OSBPL9: variants seen among roughly 807,000 people sequenced by gnomAD.
The protein encoded by OSBPL9 is oxysterol-binding protein-related protein 9.
Under a neutral mutation model 106.6 loss-of-function variants are expected in OSBPL9, and 40 were observed. The observed-to-expected ratio is 0.38, with a 90% CI of 0.29 to 0.49. The LOEUF is 0.49. Among genes scored for constraint, OSBPL9 ranks in the 20% least tolerant of loss-of-function variants. The pLI, the probability that OSBPL9 is intolerant of heterozygous loss-of-function variation, is 0.97. For missense variants in OSBPL9, 609 were observed against 887.2 expected (o/e 0.69, Z 3.98); for synonymous variants, 269 against 295.4 (o/e 0.91, Z 0.92).
At chr1:51,528,053 G>A in the OSBPL9 span, among the ~76,000 whole-genome samples, 1 of 151,990 alleles carries the variant, frequency 6.6e-6, no homozygotes, top group Admixed American at 6.5e-5. Context: ...GAACCTAGGA[G>A]GCAGAGGCTG....
chr1:51,607,593 T>C (rs1356857103), intron 2 of OSBPL9, among the ~76,000 whole-genome samples: 1 of 152,184 alleles, frequency 6.6e-6, no homozygotes, highest in African/African-American at 2.4e-5. Flanking sequence ...TTATTCCCAC[T>C]AAGTCTCTCT....
chr1:51,640,405 G>T (rs997746999), intron 1 of OSBPL9, among the ~76,000 whole-genome samples: 2 of 152,178 alleles, frequency 1.3e-5, no homozygotes, highest in African/African-American at 4.8e-5. Context: ...TTGCAGTCCT[G>T]TTGGAGATAC....
intron 2 of OSBPL9, among the ~76,000 whole-genome samples, chr1:51,661,232 G>A (rs1010861489): frequency 6.6e-6 from 1 of 152,156 alleles, no homozygotes; most frequent in African/African-American, 2.4e-5. Flanking sequence ...ATGTCTCAGA[G>A]GAGTCATCAT....
intron 1 of OSBPL9, among the ~76,000 whole-genome samples, chr1:51,636,491 C>T (rs1218167871): frequency 4.6e-5 from 7 of 152,036 alleles, no homozygotes; most frequent in African/African-American, 1.7e-4. Context: ...GTGCACACTG[C>T]CACACCAGGC....
intron 7 of OSBPL9, among the ~76,000 whole-genome samples, chr1:51,748,773 T>C (rs1668574422): frequency 6.6e-6 from 1 of 152,168 alleles, no homozygotes; most frequent in African/African-American, 2.4e-5. Context: ...CAAGCGATCC[T>C]CCTGCCTCAG....
At chr1:51,787,635 G>C in intron 23 of OSBPL9, 80 bp from the exon 24 acceptor site, 1 of 1,585,462 alleles carries the variant, frequency 6.3e-7, no homozygotes, top group Non-Finnish European at 8.6e-7. Flanking sequence ...TGGCGGGGTG[G>C]GGAGCAGATA....
At chr1:51,626,243 A>G (rs1644756908) in intron 1 of OSBPL9, among the ~76,000 whole-genome samples, 1 of 152,070 alleles carries the variant, frequency 6.6e-6, no homozygotes, top group African/African-American at 2.4e-5. Flanking sequence ...ACCTATTTTG[A>G]TATATCTATT....
the OSBPL9 span, among the ~76,000 whole-genome samples, chr1:51,547,366 T>A: frequency 1.3e-5 from 2 of 152,128 alleles, no homozygotes; most frequent in Non-Finnish European, 2.9e-5. Flanking sequence ...TTTAAAACAG[T>A]GCTCAGTGAA....
At chr1:51,767,850 T>C (rs551027719) in intron 12 of OSBPL9, among the ~76,000 whole-genome samples, 1 of 152,060 alleles carries the variant, frequency 6.6e-6, no homozygotes, top group African/African-American at 2.4e-5. Flanking sequence ...AAATAAGCAT[T>C]TGGAAGAAAA....
chr1:51,754,463 G>A (rs1571559943), intron 8 of OSBPL9, among the ~76,000 whole-genome samples: 1 of 152,116 alleles, frequency 6.6e-6, no homozygotes, highest in Non-Finnish European at 1.5e-5. Context: ...CATTTTTCAA[G>A]GTAGACACAG....
intron 1 of OSBPL9, among the ~76,000 whole-genome samples, chr1:51,628,488 G>A (rs1644905287): frequency 6.6e-6 from 1 of 151,798 alleles, no homozygotes; most frequent in Admixed American, 6.6e-5. Context: ...GGAGGCTGAG[G>A]TGGGAGAATT....
chr1:51,620,845 TA>T (rs1644382346), intron 1 of OSBPL9, among the ~76,000 whole-genome samples: 2 of 152,114 alleles, frequency 1.3e-5, no homozygotes, highest in Non-Finnish European at 2.9e-5. Context: ...TATAGAAATT[TA>T]AAAAAATAAA....
At chr1:51,766,935 A>T (rs1217855859) in intron 12 of OSBPL9, among the ~76,000 whole-genome samples, 1 of 151,318 alleles carries the variant, frequency 6.6e-6, no homozygotes, top group Non-Finnish European at 1.5e-5. Context: ...AAAATTAGCC[A>T]GGCATGGTGG....
intron 1 of OSBPL9, among the ~76,000 whole-genome samples, chr1:51,617,505 A>G (rs979537549): frequency 7.9e-5 from 12 of 152,106 alleles, no homozygotes; most frequent in Non-Finnish European, 1.5e-4. Flanking sequence ...GGGGTCCAGC[A>G]TGGTTGTGAG....
chr1:51,690,150 C>T (rs1229701580), intron 3 of OSBPL9, among the ~76,000 whole-genome samples: 2 of 152,060 alleles, frequency 1.3e-5, no homozygotes, highest in Non-Finnish European at 2.9e-5. Flanking sequence ...TTCTCTGAAG[C>T]CTAGAGTTAA....
intron 4 of OSBPL9, 112 bp downstream of exon 4, chr1:51,714,191 T>A: frequency 1.4e-6 from 1 of 716,836 alleles, no homozygotes; most frequent in Non-Finnish European, 2.2e-6. Flanking sequence ...TAGGAACTTA[T>A]AATTTCTGAG....
the OSBPL9 span, among the ~76,000 whole-genome samples, chr1:51,525,889 C>G: frequency 6.6e-6 from 1 of 151,746 alleles, no homozygotes; most frequent in Non-Finnish European, 1.5e-5. Flanking sequence ...TTTTTTTGTT[C>G]TTTTTGAGAC....
At chr1:51,739,306 T>C (rs1194406266) in intron 4 of OSBPL9, among the ~76,000 whole-genome samples, 2 of 152,066 alleles carry the variant, frequency 1.3e-5, no homozygotes, top group Admixed American at 1.3e-4. Flanking sequence ...GTTTAATATC[T>C]GTCTACCTTA....
intron 1 of OSBPL9, among the ~76,000 whole-genome samples, chr1:51,578,510 A>T (rs1309953743): frequency 6.6e-6 from 1 of 152,132 alleles, no homozygotes; most frequent in Non-Finnish European, 1.5e-5. Flanking sequence ...AGCCAGAATG[A>T]CCCTTTAGTG....
Sources: gnomAD v4.1 joint callset for allele counts (sites outside exome capture counted in the v4.1 genomes callset) on GRCh38, gnomAD v4.1.1 for gene constraint, MANE v1.5 for transcripts, NCBI Gene and HGNC (gene_info 2026-07-23, HGNC 2026-07-21) for gene names.